Variants in TRERF1 observed in about 807,000 individuals in gnomAD.
TRERF1 encodes transcriptional regulating factor 1, also known as transcriptional-regulating factor 1.
A neutral mutation model predicts 122.9 loss-of-function variants in TRERF1; 27 were observed. The observed-to-expected ratio is 0.22, with a 90% CI of 0.16 to 0.30. TRERF1 has a LOEUF of 0.30. Among genes scored for constraint, TRERF1 ranks in the 10% least tolerant of loss-of-function variants. The probability of loss-of-function intolerance (pLI) is 1.00; values close to 1 mark genes in which losing one functional copy is unlikely to be tolerated. For synonymous variants in TRERF1, 636 were observed against 641.7 expected, an observed-to-expected ratio of 0.99 and a Z score of 0.13; for missense variants, 1,248 against 1,560.3, an observed-to-expected ratio of 0.80 and a Z score of 3.37.
chr6:42,260,515 A>G (rs1777641711), intron 8 of TRERF1, among the ~76,000 whole-genome samples: 1 of 152,210 alleles, frequency 6.6e-6, no homozygotes. Context: ...TAAACAGATG[A>G]GCAGGGCATG....
chr6:42,432,936 A>C (rs1372796753), intron 2 of TRERF1, among the ~76,000 whole-genome samples: 1 of 152,192 alleles, frequency 6.6e-6, no homozygotes, highest in Non-Finnish European at 1.5e-5. Flanking sequence ...ATACGAAATT[A>C]GACTTCGCTT....
upstream of TRERF1, chr6:42,452,137 C>CT (rs879092101): frequency 4.2e-3 from 588 of 138,708 alleles, 1 homozygote; most frequent in Middle Eastern, 0.011. Context: ...TCCTCTCGGC[C>CT]TTTTTTTTTT....
chr6:42,361,225 A>G (rs985177144), intron 3 of TRERF1, among the ~76,000 whole-genome samples: 6 of 152,120 alleles, frequency 3.9e-5, no homozygotes, highest in African/African-American at 1.4e-4. Context: ...CGTGAAAGCA[A>G]CCCTCACCAG....
chr6:42,287,054 A>G (rs1426282272), intron 4 of TRERF1, among the ~76,000 whole-genome samples: 1 of 148,150 alleles, frequency 6.7e-6, no homozygotes, highest in Non-Finnish European at 1.5e-5. Context: ...AAAAAAACAA[A>G]CGCCGCATAT....
intron 16 of TRERF1, among the ~76,000 whole-genome samples, chr6:42,234,440 C>T (rs138503116): frequency 8.6e-5 from 13 of 151,724 alleles, no homozygotes; most frequent in African/African-American, 1.5e-4. Flanking sequence ...TGGGTTTAAG[C>T]GATTCTCCTG....
chr6:42,363,819 C>A (rs987243750), intron 2 of TRERF1, among the ~76,000 whole-genome samples: 1 of 152,150 alleles, frequency 6.6e-6, no homozygotes, highest in Non-Finnish European at 1.5e-5. Flanking sequence ...CGAAACAGAC[C>A]CTTCCCTGGA....
At chr6:42,443,611 T>C (rs1184405379) in intron 2 of TRERF1, among the ~76,000 whole-genome samples, 2 of 152,200 alleles carry the variant, frequency 1.3e-5, no homozygotes, top group Non-Finnish European at 2.9e-5. Context: ...ACCAAGTTTA[T>C]TTGGCCCTTT....
chr6:42,277,956 A>AGAAGAAGAAGAAGAAGAG (rs1561895326), intron 4 of TRERF1, among the ~76,000 whole-genome samples: 5 of 148,948 alleles, frequency 3.4e-5, no homozygotes, highest in East Asian at 2.0e-4. Flanking sequence ...AAGAAGAAGA[A>AGAAGAAGAAGAAGAAGAG]GAAGAAGAAG....
At chr6:42,277,905 G>GAAGAAGAAGAAGAAGAAGAAGAAGAA (rs1321566764) in intron 4 of TRERF1, among the ~76,000 whole-genome samples, 2 of 85,082 alleles carry the variant, frequency 2.4e-5, no homozygotes, top group Non-Finnish European at 4.7e-5. Context: ...GAAGGAAGAA[G>GAAGAAGAAGAAGAAGAAGAAGAAGAA]GAAGAAGAAG....
intron 3 of TRERF1, among the ~76,000 whole-genome samples, chr6:42,354,641 T>A (rs976579743): frequency 2.0e-5 from 3 of 152,220 alleles, no homozygotes; most frequent in Non-Finnish European, 4.4e-5. Context: ...TTGTGATGAC[T>A]GCTTTATGAT....
At chr6:42,262,612 A>AGAGAGAGAGAGAGAGAGAAAG (rs1169414320) in intron 8 of TRERF1, among the ~76,000 whole-genome samples, 1 of 116,220 alleles carries the variant, frequency 8.6e-6, no homozygotes. Context: ...AGACAGACGG[A>AGAGAGAGAGAGAGAGAGAAAG]AACCCTTCCC....
chr6:42,315,653 T>C (rs9296383), intron 3 of TRERF1, among the ~76,000 whole-genome samples: 37,550 of 151,212 alleles, frequency 0.25, 5,113 homozygotes, highest in Admixed American at 0.38. Context: ...GCAGCTGATA[T>C]CCTTCAAGAG....
chr6:42,377,011 G>A (rs532634043), intron 2 of TRERF1, among the ~76,000 whole-genome samples: 1 of 151,710 alleles, frequency 6.6e-6, no homozygotes, highest in Admixed American at 6.6e-5. Flanking sequence ...AATTACAGGT[G>A]TGAGCCACCA....
intron 3 of TRERF1, among the ~76,000 whole-genome samples, chr6:42,308,706 T>C (rs750216209): frequency 6.6e-6 from 1 of 152,212 alleles, no homozygotes; most frequent in Non-Finnish European, 1.5e-5. Flanking sequence ...ATATCCCATG[T>C]TCTTACTTAT....
At chr6:42,280,104 G>A (rs554152661) in intron 4 of TRERF1, among the ~76,000 whole-genome samples, 67 of 151,264 alleles carry the variant, frequency 4.4e-4, no homozygotes, top group Non-Finnish European at 7.8e-4. Context: ...GGAGCATTCT[G>A]TAAATACCGG....
At chr6:42,237,763 C>T (rs1318169611) in intron 15 of TRERF1, among the ~76,000 whole-genome samples, 1 of 152,224 alleles carries the variant, frequency 6.6e-6, no homozygotes, top group Admixed American at 6.5e-5. Context: ...AGCTTCCTCT[C>T]TACAGTTTGG....
At chr6:42,448,547 C>T (rs1787935772) in intron 2 of TRERF1, among the ~76,000 whole-genome samples, 1 of 152,164 alleles carries the variant, frequency 6.6e-6, no homozygotes, top group South Asian at 2.1e-4. Flanking sequence ...ATCAGCTCAC[C>T]CAAGTCCATG....
rs752210053 is a variant in TRERF1, at chr6:42,268,959, C to A, written c.632G>T (p.Gly211Val). 7.4e-6 allele frequency: 12 copies of A among 1,611,644 alleles called. No individual in the cohort carries two copies. The highest frequency in any genetic ancestry group is 1.0e-5 in the Non-Finnish European group (12 of 1,178,334). The change falls in exon 5 of 18, where the codon GGT becomes GTT. Residue 211 changes from glycine to valine, a missense_variant. Gly to Val is a moderately radical substitution (Grantham distance 109). Transcript: ENST00000372922. The surrounding 1 kb of genome is among the most constrained non-coding windows in gnomAD (Gnocchi z 4.4). ...TGGTTTGGACAGCCCACCAGTGAAA[C>A]CAGGGTGAGGCTGCTGGGGCACCTG...
At chr6:42,326,087 G>A (rs1457119499) in intron 3 of TRERF1, among the ~76,000 whole-genome samples, 1 of 152,148 alleles carries the variant, frequency 6.6e-6, no homozygotes, top group East Asian at 1.9e-4. Context: ...CCTGGGTGAT[G>A]AGTTCAATTG....
Sources: gnomAD v4.1 joint callset for allele counts (sites outside exome capture counted in the v4.1 genomes callset) on GRCh38, gnomAD v4.1.1 for gene constraint, Gnocchi (gnomAD v3.1) non-coding constraint, MANE v1.5 for transcripts, NCBI Gene and HGNC (gene_info 2026-07-23, HGNC 2026-07-21) for gene names.